PPP2R5C: variants seen among roughly 807,000 people sequenced by gnomAD.
The protein encoded by PPP2R5C is protein phosphatase 2 regulatory subunit B'gamma, also known as serine/threonine-protein phosphatase 2A 56 kDa regulatory subunit gamma isoform.
In PPP2R5C, 7 loss-of-function variants were observed where a neutral mutation model predicts 68.9. That is an observed-to-expected ratio of 0.10 (90% CI 0.06 to 0.19). The LOEUF (loss-of-function observed/expected upper bound fraction) is 0.19. Among genes scored for constraint, PPP2R5C ranks in the 10% least tolerant of loss-of-function variants. The pLI, the probability that PPP2R5C is intolerant of heterozygous loss-of-function variation, is 1.00. For missense variants in PPP2R5C, 348 were observed against 641.3 expected (o/e 0.54, Z 4.94); for synonymous variants, 210 against 222.2 (o/e 0.95, Z 0.49).
At chr14:101,864,180 G>C (rs1018148289) in intron 2 of PPP2R5C, among the ~76,000 whole-genome samples, 26 of 152,180 alleles carry the variant, frequency 1.7e-4, no homozygotes, top group African/African-American at 6.0e-4. Flanking sequence ...TTTCTGCATA[G>C]ACTTGGGCAT....
intron 2 of PPP2R5C, among the ~76,000 whole-genome samples, chr14:101,775,309 T>C (rs547427583): frequency 1.3e-5 from 2 of 152,288 alleles, no homozygotes; most frequent in East Asian, 3.9e-4. Context: ...GTAAATCCCT[T>C]ATATGATAAA....
chr14:101,802,951 TAAAAA>T (rs571594853), intron 3 of PPP2R5C, among the ~76,000 whole-genome samples: 2 of 99,932 alleles, frequency 2.0e-5, no homozygotes, highest in Non-Finnish European at 2.0e-5. Context: ...GGCTACTATT[TAAAAA>T]AAAAAAAAAA....
At chr14:101,765,347 G>A in intron 2 of PPP2R5C, 2 of 674,464 alleles carry the variant, frequency 3.0e-6, no homozygotes, top group Non-Finnish European at 5.4e-6. Context: ...TGACCTTTGA[G>A]TTGACCCTTA....
At chr14:101,909,775 C>T (rs758620527) in intron 11 of PPP2R5C, 85 bp downstream of exon 13, 243 of 966,846 alleles carry the variant, frequency 2.5e-4, no homozygotes, top group Non-Finnish European at 3.4e-4. Flanking sequence ...TGTCCTAAAA[C>T]GGTATTCTTC....
chr14:101,921,251 A>C, intron 13 of PPP2R5C: 1 of 196,076 alleles, frequency 5.1e-6, no homozygotes, highest in Non-Finnish European at 1.1e-5. Context: ...TTTAGCAGAG[A>C]TGGAGTTTTA....
intron 11 of PPP2R5C, among the ~76,000 whole-genome samples, chr14:101,911,895 A>C (rs1272225778): frequency 6.6e-6 from 1 of 152,076 alleles, no homozygotes. Flanking sequence ...AAAAAAAAAA[A>C]AAACTTGGAT....
intron 1 of PPP2R5C, among the ~76,000 whole-genome samples, chr14:101,853,912 T>C (rs2042285067): frequency 1.3e-5 from 2 of 152,102 alleles, no homozygotes; most frequent in Admixed American, 6.5e-5. Context: ...GTGCCAAGAA[T>C]GTGAGAATGC....
chr14:101,883,133 CT>C, intron 3 of PPP2R5C, 123 bp from the exon 6 acceptor site: 1 of 650,804 alleles, frequency 1.5e-6, no homozygotes, highest in Admixed American at 3.2e-5. Context: ...AGCATTAATT[CT>C]GTAGATATGT....
At chr14:101,777,602 G>A (rs1243541392) in intron 2 of PPP2R5C, among the ~76,000 whole-genome samples, 1 of 152,088 alleles carries the variant, frequency 6.6e-6, no homozygotes, top group Non-Finnish European at 1.5e-5. Context: ...CACCCATCTC[G>A]GCCTCCCAAG....
chr14:101,911,472 G>A (rs972835803), intron 11 of PPP2R5C, among the ~76,000 whole-genome samples: 11 of 152,196 alleles, frequency 7.2e-5, no homozygotes, highest in East Asian at 5.8e-4. Flanking sequence ...AGTGCAGTTC[G>A]CAGGTAGGAA....
chr14:101,890,492 T>C (rs2044798145), intron 6 of PPP2R5C, among the ~76,000 whole-genome samples, 196 bp downstream of exon 8: 1 of 152,190 alleles, frequency 6.6e-6, no homozygotes. Flanking sequence ...ATCTCTCCCA[T>C]TTTTATGGTT....
At chr14:101,819,216 G>T (rs2039899960) in intron 1 of PPP2R5C, 3 of 756,290 alleles carry the variant, frequency 4.0e-6, no homozygotes, top group Admixed American at 2.5e-5. Flanking sequence ...TTCTCAAAGG[G>T]GGGTAGCACT....
intron 1 of PPP2R5C, among the ~76,000 whole-genome samples, chr14:101,838,543 G>A (rs2403000): frequency 0.064 from 9,802 of 152,274 alleles, 398 homozygotes; most frequent in Middle Eastern, 0.14. Flanking sequence ...ACGAGCAGGC[G>A]GTCTTCCCAG....
intron 1 of PPP2R5C, among the ~76,000 whole-genome samples, chr14:101,846,776 T>G (rs1004645331): frequency 1.3e-5 from 2 of 152,204 alleles, no homozygotes; most frequent in African/African-American, 4.8e-5. Context: ...AAGGGCCTTC[T>G]CTTCTGAAGG....
In PPP2R5C at chr14:101,894,554, G is replaced by A. The variant is rs1207859949; in HGVS notation, c.846G>A (p.Thr282=). 13 of 1,613,458 alleles carry A rather than the reference G, an allele frequency of 8.1e-6. No individual in the cohort carries two copies. The highest frequency in any genetic ancestry group is 3.3e-5 in the Admixed American group (2 of 60,014). ...TTTTAGAAAAGGACAGCACCCTCAC[G>A]GAACCAGTAAGTACTGATGCTAGCG... The change falls in exon 8 of 14, where the codon ACG becomes ACA. Residue 282 remains threonine, a synonymous_variant. Coordinates refer to ENST00000334743, the Ensembl canonical transcript of PPP2R5C.
rs916138635 is a variant in PPP2R5C at position 101,916,495 on chromosome 14, C to A, written c.1327-1336C>A. 6.6e-6 allele frequency among the ~76,000 whole-genome samples: 1 copy of A among 152,054 alleles called. No homozygotes were observed. Among genetic ancestry groups the A allele is most frequent in the Non-Finnish European group, 1.5e-5 (1 of 68,008 alleles). ...GAGGAGAGGCTGGGGTCACAGAGAC[C>A]GAGGGAGGGTGCAGGTTCAGGGCTG... On this transcript the variant is annotated intron_variant, in intron 12 of 13. Coordinates refer to ENST00000334743, the Ensembl canonical transcript of PPP2R5C. The surrounding 1 kb of genome is among the most constrained non-coding windows in gnomAD (Gnocchi z 5.5).
intron 2 of PPP2R5C, among the ~76,000 whole-genome samples, chr14:101,875,520 C>A (rs974096237): frequency 2.6e-5 from 4 of 152,168 alleles, no homozygotes; most frequent in Non-Finnish European, 5.9e-5. Context: ...CTGATGCGTG[C>A]TTTTCCCAGG....
chr14:101,761,817 G>A, upstream of PPP2R5C: 6 of 970,170 alleles, frequency 6.2e-6, no homozygotes, highest in Non-Finnish European at 7.3e-6. Flanking sequence ...GGGGCGCGAC[G>A]GCCGGGGCGG....
chr14:101,906,326 A>T lies in PPP2R5C; in HGVS notation c.1024-76A>T. On this transcript the variant is annotated intron_variant, in intron 9 of 13. Coordinates refer to ENST00000334743, the Ensembl canonical transcript of PPP2R5C. The surrounding 1 kb of genome is among the most constrained non-coding windows in gnomAD (Gnocchi z 4.0). ...TCCAAGGTAGTTCATTACCCGACTC[A>T]CAGGTTTAACAGCAAGGACAGCCAC... 1 of 1,459,390 alleles carries T rather than the reference A, an allele frequency of 6.9e-7. No individual in the cohort carries two copies. The highest frequency in any genetic ancestry group is 9.1e-7 in the Non-Finnish European group (1 of 1,094,162). The allele number at this position is 1,459,390 out of a possible 1,614,324, so 90.4% of individuals were successfully genotyped here. A position where few individuals can be genotyped will look rare whatever the true frequency, so the allele number is the denominator to read the frequency against.
Sources: gnomAD v4.1 joint callset for allele counts (sites outside exome capture counted in the v4.1 genomes callset) on GRCh38, gnomAD v4.1.1 for gene constraint, Gnocchi (gnomAD v3.1) non-coding constraint, MANE v1.5 for transcripts, NCBI Gene and HGNC (gene_info 2026-07-23, HGNC 2026-07-21) for gene names.